Variants in GNA12 observed in about 807,000 individuals in gnomAD.
GNA12 encodes guanine nucleotide-binding protein subunit alpha-12.
A neutral mutation model predicts 26.0 loss-of-function variants in GNA12; 9 were observed. The ratio of observed to expected loss-of-function variants is 0.35; its 90% confidence interval spans 0.21 to 0.60. GNA12 has a LOEUF of 0.60. Ranked by LOEUF, GNA12 falls within the 20% of genes least tolerant of loss-of-function variation. The pLI, the probability that GNA12 is intolerant of heterozygous loss-of-function variation, is 0.78. For synonymous variants in GNA12, 264 were observed against 219.6 expected, an observed-to-expected ratio of 1.20 and a Z score of -1.79; for missense variants, 405 against 525.8, an observed-to-expected ratio of 0.77 and a Z score of 2.25.
At chr7:2,754,271 C>T (rs916102319) in intron 2 of GNA12, among the ~76,000 whole-genome samples, 5 of 152,158 alleles carry the variant, frequency 3.3e-5, no homozygotes, top group Non-Finnish European at 4.4e-5. Flanking sequence ...TATGTGCCAT[C>T]GGCATGTCCT....
chr7:2,841,233 G>A (rs1227400198), intron 1 of GNA12, among the ~76,000 whole-genome samples: 1 of 152,102 alleles, frequency 6.6e-6, no homozygotes, highest in Non-Finnish European at 1.5e-5. Context: ...CTCACTGCAA[G>A]CTCCGCCTCC....
intron 2 of GNA12, among the ~76,000 whole-genome samples, chr7:2,742,381 G>C (rs980725049): frequency 2.6e-5 from 4 of 152,178 alleles, no homozygotes; most frequent in African/African-American, 7.2e-5. Context: ...GATGTCTCCA[G>C]TGTTTAACAT....
At position 2,763,080 on chromosome 7, in the gene GNA12, C is replaced by CTTGA; in HGVS notation, c.526-29583_526-29580dup. The stretch of plus-strand genomic sequence containing the variant: ...ACGCAGACCGGGGCTCCCTACCAGC[C>CTTGA]TTGAGTGAGAGACCACAAGCAGCCT... On this transcript the variant is annotated intron_variant, in intron 2 of 3. Transcript: ENST00000275364. 4.0e-6 allele frequency: 5 copies of CTTGA among 1,249,742 alleles called. No individual in the cohort carries two copies. In the South Asian group the frequency reaches 1.5e-4, roughly 37 times the overall value. 77.4% of individuals were successfully genotyped at this position (1,249,742 alleles called of 1,614,324 possible).
rs149379065 is a variant in GNA12 at position 2,745,578 on chromosome 7, A to C, written c.526-12077T>G. 5.2e-3 allele frequency among the ~76,000 whole-genome samples: 796 copies of C among 152,340 alleles called. 7 individuals are homozygous for C. Among genetic ancestry groups the C allele is most frequent in the African/African-American group, 0.018 (752 of 41,574 alleles). ...CACTGCAATAACATACCAAATTGTAAAGACCATCAAGGCTAGGAAAAAACT... is the reference window on the plus strand; with the variant it reads ...CACTGCAATAACATACCAAATTGTACAGACCATCAAGGCTAGGAAAAAACT... On this transcript the variant is annotated intron_variant, in intron 2 of 3. Transcript: ENST00000275364.
chr7:2,787,752 C>T (rs1207444081), intron 2 of GNA12, among the ~76,000 whole-genome samples: 1 of 152,242 alleles, frequency 6.6e-6, no homozygotes, highest in East Asian at 1.9e-4. Flanking sequence ...TTCGCCCCTA[C>T]AGCAAGGCCC....
At chr7:2,816,603 A>T (rs1452652192) in intron 1 of GNA12, among the ~76,000 whole-genome samples, 1 of 152,206 alleles carries the variant, frequency 6.6e-6, no homozygotes, top group African/African-American at 2.4e-5. Context: ...CAAGTAATAT[A>T]CATATTGATT....
intron 1 of GNA12, among the ~76,000 whole-genome samples, chr7:2,810,285 G>T (rs1420068654): frequency 1.3e-5 from 2 of 152,068 alleles, no homozygotes; most frequent in Non-Finnish European, 2.9e-5. Flanking sequence ...GGTGGAAGGG[G>T]TATACAAGCT....
intron 1 of GNA12, among the ~76,000 whole-genome samples, chr7:2,826,633 C>T (rs897480606): frequency 5.9e-5 from 9 of 152,070 alleles, no homozygotes; most frequent in East Asian, 1.9e-4. Context: ...TAACATGCCA[C>T]GGAAAGACAC....
intron 2 of GNA12, among the ~76,000 whole-genome samples, chr7:2,743,644 C>G (rs138062314): frequency 0.015 from 2,220 of 152,282 alleles, 68 homozygotes; most frequent in African/African-American, 0.051. Flanking sequence ...GCATTTCCAA[C>G]TGAGGTACCG....
At chr7:2,831,977 C>T (rs1778687762) in intron 1 of GNA12, among the ~76,000 whole-genome samples, 1 of 152,132 alleles carries the variant, frequency 6.6e-6, no homozygotes, top group Non-Finnish European at 1.5e-5. Flanking sequence ...CAAAGATGTG[C>T]AAAATTTTAC....
At chr7:2,818,143 T>C (rs1793257616) in intron 1 of GNA12, among the ~76,000 whole-genome samples, 1 of 151,544 alleles carries the variant, frequency 6.6e-6, no homozygotes, top group Non-Finnish European at 1.5e-5. Context: ...CTGGGGGGAG[T>C]CATCATTAAG....
At chr7:2,752,445 A>T (rs1037124536) in intron 2 of GNA12, among the ~76,000 whole-genome samples, 1 of 152,252 alleles carries the variant, frequency 6.6e-6, no homozygotes, top group African/African-American at 2.4e-5. Context: ...AACAGCAAAA[A>T]GCAAGACAGC....
chr7:2,806,457 C>CAAAAAAA (rs34036056), intron 1 of GNA12, among the ~76,000 whole-genome samples: 75 of 80,360 alleles, frequency 9.3e-4, no homozygotes, highest in African/African-American at 1.3e-3. Flanking sequence ...GACTCTGTCT[C>CAAAAAAA]AAAAAAAAAA....
intron 2 of GNA12, among the ~76,000 whole-genome samples, chr7:2,787,666 G>A (rs1583281593): frequency 6.6e-6 from 1 of 152,362 alleles, no homozygotes; most frequent in East Asian, 1.9e-4. Context: ...CTTCCGTTGT[G>A]GGTCCACGCT....
chr7:2,835,176 C>T (rs1469997170), intron 1 of GNA12, among the ~76,000 whole-genome samples: 3 of 152,162 alleles, frequency 2.0e-5, no homozygotes, highest in Admixed American at 6.5e-5. Flanking sequence ...ACGCATCACA[C>T]ATAAGTCAGG....
rs911801668 is a variant in GNA12, at chr7:2,729,655, G to C, written c.*1526C>G. 1 of 152,224 alleles carries C rather than the reference G, an allele frequency of 6.6e-6. No individual in the cohort carries two copies. Among genetic ancestry groups the C allele is most frequent in the Non-Finnish European group, 1.5e-5 (1 of 67,952 alleles). 9.4% of individuals were successfully genotyped at this position (152,224 alleles called of 1,614,324 possible). A position where few individuals can be genotyped will look rare whatever the true frequency, so the allele number is the denominator to read the frequency against. The stretch of plus-strand genomic sequence containing the variant: ...CCAAGGGTGAGCTGCAGAGGGGCTC[G>C]GGGCTCGGGGCAGCACGGCCTCGGG... On this transcript the variant is annotated 3_prime_UTR_variant, in exon 4 of 4. Coordinates refer to ENST00000275364, the MANE Select transcript of GNA12 (RefSeq NM_007353.3).
Position 2,730,998 on chromosome 7 carries a change from A to C in GNA12, c.*183T>G, listed in dbSNP as rs114013948. 1 of 534,366 alleles carries C rather than the reference A, an allele frequency of 1.9e-6. No homozygotes were observed. Among genetic ancestry groups the C allele is most frequent in the East Asian group, 2.8e-5 (1 of 35,316 alleles). 33.1% of individuals were successfully genotyped at this position (534,366 alleles called of 1,614,324 possible). On this transcript the variant is annotated 3_prime_UTR_variant, in exon 4 of 4. Coordinates refer to ENST00000275364, the MANE Select transcript of GNA12 (RefSeq NM_007353.3). ...CCCAGGATTCAGTAGCTAACGTGACAGTTTCCATGTCCTTTTGCCTAGAGC... is the reference window on the plus strand; with the variant it reads ...CCCAGGATTCAGTAGCTAACGTGACCGTTTCCATGTCCTTTTGCCTAGAGC...
At chr7:2,826,436 A>G (rs1316190713) in intron 1 of GNA12, among the ~76,000 whole-genome samples, 1 of 152,078 alleles carries the variant, frequency 6.6e-6, no homozygotes, top group African/African-American at 2.4e-5. Flanking sequence ...TCCAGCAATT[A>G]ACTGCACTTG....
chr7:2,780,738 C>T (rs1366074562), intron 2 of GNA12, among the ~76,000 whole-genome samples: 3 of 152,136 alleles, frequency 2.0e-5, no homozygotes, highest in African/African-American at 7.2e-5. Context: ...GTCCTCTGCT[C>T]ATTTTTCCTG....
Sources: gnomAD v4.1 joint callset for allele counts (sites outside exome capture counted in the v4.1 genomes callset) on GRCh38, gnomAD v4.1.1 for gene constraint, MANE v1.5 for transcripts, NCBI Gene and HGNC (gene_info 2026-07-23, HGNC 2026-07-21) for gene names.